SLC22A15: variants seen among roughly 807,000 people sequenced by gnomAD.
The protein encoded by SLC22A15 is solute carrier family 22 member 15, also known as flipt 1.
SLC22A15 carries 45 observed loss-of-function variants against 62.7 expected under a neutral mutation model. The ratio of observed to expected loss-of-function variants is 0.72; its 90% confidence interval spans 0.56 to 0.92. The LOEUF (loss-of-function observed/expected upper bound fraction) is 0.92. Among genes scored for constraint, SLC22A15 ranks in the 40% least tolerant of loss-of-function variants. The pLI, the probability that SLC22A15 is intolerant of heterozygous loss-of-function variation, is 0.00. For synonymous variants in SLC22A15, 264 were observed against 267.0 expected, an observed-to-expected ratio of 0.99 and a Z score of 0.11; for missense variants, 622 against 665.6, an observed-to-expected ratio of 0.93 and a Z score of 0.72.
rs912605296 is a variant in SLC22A15 at position 116,019,673 on chromosome 1, A to G, written c.392A>G (p.Gln131Arg). 1 of 1,613,628 alleles carries G rather than the reference A, an allele frequency of 6.2e-7. No individual in the cohort carries two copies. Among genetic ancestry groups the G allele is most frequent in the African/African-American group, 1.3e-5 (1 of 74,914 alleles). ...TTTGTTGGAGTTATCTCTTTTGGTC[A>G]GCTTTCAGATCGCTTCGGAAGGAAA... ...GVFVGVISFGQLSDRFGRKKV... is the reference protein window; with the variant it reads ...GVFVGVISFGRLSDRFGRKKV... The change falls in exon 3 of 12, where the codon CAG (glutamine) becomes CGG (arginine). Residue 131 changes from glutamine to arginine, a missense_variant. Gln to Arg is a conservative substitution (Grantham distance 43). Transcript: ENST00000369503.
chr1:116,046,262 A>C (rs570478694), intron 8 of SLC22A15, among the ~76,000 whole-genome samples: 1 of 152,332 alleles, frequency 6.6e-6, no homozygotes, highest in African/African-American at 2.4e-5. Flanking sequence ...TAGACTTCAT[A>C]AAGTTAAAAA....
At chr1:116,034,362 A>G (rs1657554588) in intron 6 of SLC22A15, among the ~76,000 whole-genome samples, 1 of 152,148 alleles carries the variant, frequency 6.6e-6, no homozygotes, top group Non-Finnish European at 1.5e-5. Flanking sequence ...GTGTTTGAGG[A>G]AGCCCTGATT....
intron 2 of SLC22A15, chr1:116,015,143 G>C (rs919407104): frequency 6.6e-6 from 1 of 152,208 alleles, no homozygotes; most frequent in Non-Finnish European, 1.5e-5. Flanking sequence ...GAAGGATGCA[G>C]AGGGCTGGTT....
chr1:116,034,434 G>A (rs2101462816), intron 6 of SLC22A15, among the ~76,000 whole-genome samples: 1 of 152,266 alleles, frequency 6.6e-6, no homozygotes, highest in East Asian at 1.9e-4. Flanking sequence ...TAGGAGAGAG[G>A]CTTGGTGCCT....
intron 2 of SLC22A15, among the ~76,000 whole-genome samples, chr1:116,018,652 A>G (rs1656668051): frequency 2.0e-5 from 3 of 152,154 alleles, no homozygotes; most frequent in African/African-American, 7.2e-5. Flanking sequence ...TTTTATTGAC[A>G]TAATTATATT....
intron 6 of SLC22A15, chr1:116,032,743 C>A: frequency 1.7e-6 from 1 of 601,226 alleles, no homozygotes; most frequent in Non-Finnish European, 2.1e-6. Flanking sequence ...AACCTGACAA[C>A]ACAACATAGG....
At chr1:115,981,195 G>A (rs1033772408) in intron 1 of SLC22A15, among the ~76,000 whole-genome samples, 4 of 152,286 alleles carry the variant, frequency 2.6e-5, no homozygotes, top group African/African-American at 4.8e-5. Flanking sequence ...CACACCATAA[G>A]CATTAGTGAA....
At chr1:116,019,165 A>G (rs951498862) in intron 2 of SLC22A15, among the ~76,000 whole-genome samples, 1 of 152,226 alleles carries the variant, frequency 6.6e-6, no homozygotes, top group South Asian at 2.1e-4. Context: ...TTTTAAACCC[A>G]TAAGCCAATT....
rs766950287 is a variant in SLC22A15, at chr1:116,064,497, A to G, written c.1354A>G (p.Ile452Val). ...SRVGGIIAPF[I>V]PSLKYVQWSL... is the part of the protein sequence containing the mutation. Reference sequence around the variant, plus strand: ...AGTTGGTGGGATTATTGCTCCCTTCATCCCCTCACTGGTTGGTTTGTACCT... The same window carrying G: ...AGTTGGTGGGATTATTGCTCCCTTCGTCCCCTCACTGGTTGGTTTGTACCT... The change falls in exon 10 of 12, where the codon ATC becomes GTC. Residue 452 changes from isoleucine (I) to valine (V), a missense_variant. Physicochemically the swap from Ile to Val is conservative, Grantham distance 29 (BLOSUM62 3). Transcript: ENST00000369503. 8 of 1,612,086 alleles carry G rather than the reference A, an allele frequency of 5.0e-6. 1 individual carries two copies. Among genetic ancestry groups the G allele is most frequent in the Non-Finnish European group, 6.8e-6 (8 of 1,178,250 alleles).
chr1:116,020,839 T>C lies in SLC22A15; in HGVS notation c.552T>C (p.Phe184=). The change falls in exon 4 of 12, where the codon TTT becomes TTC. Residue 184 remains phenylalanine, a synonymous_variant. Coordinates refer to ENST00000369503, the MANE Select transcript of SLC22A15 (RefSeq NM_018420.3). ...ATGGAGGGATGTCGCTGGTGGCCTT[T>C]GTCTTGCTTAATGAATGTGTGGGCA... is the stretch of plus-strand genomic sequence containing the variant. ...MMNGGMSLVA[F]VLLNECVGTA... The C allele has an allele frequency of 6.2e-7, 1 of 1,613,648 alleles. No individual in the cohort carries two copies. The highest frequency in any genetic ancestry group is 8.5e-7 in the Non-Finnish European group (1 of 1,179,666).
intron 2 of SLC22A15, among the ~76,000 whole-genome samples, chr1:116,016,030 G>C (rs1448484208): frequency 1.3e-5 from 2 of 151,778 alleles, no homozygotes; most frequent in African/African-American, 2.4e-5. Context: ...TTCTTCAAAT[G>C]CTGGAGCTCT....
Position 116,026,876 on chromosome 1 carries a change from T to C in SLC22A15, c.599-17T>C, listed in dbSNP as rs1657118860. The C allele has an allele frequency of 6.2e-7, 1 of 1,611,430 alleles. No individual in the cohort carries two copies. Among genetic ancestry groups the C allele is most frequent in the African/African-American group, 1.3e-5 (1 of 74,868 alleles). On this transcript the variant is annotated splice_polypyrimidine_tract_variant and intron_variant, in intron 4 of 11. Transcript: ENST00000369503. ...ATGGTGCTTTCTCCAGTGACAGTTC[T>C]CTTTTCCCTGAATTAGGATCGATTG... is the stretch of plus-strand genomic sequence containing the variant.
chr1:116,045,866 A>C lies in SLC22A15; in HGVS notation c.1171+8478A>C, dbSNP rs372239456. Among the ~76,000 whole-genome samples, 26 of 151,798 alleles carry C rather than the reference A, an allele frequency of 1.7e-4. No homozygotes were observed. In the South Asian group the frequency reaches 5.4e-3, roughly 32 times the overall value. The stretch of plus-strand genomic sequence containing the variant: ...TGAAATAGAACCACATATATGGTCA[A>C]TTGATTTTTTTTTTGACAGAGCTGA... On this transcript the variant is annotated intron_variant, in intron 8 of 11. Coordinates refer to ENST00000369503, the MANE Select transcript of SLC22A15 (RefSeq NM_018420.3).
intron 1 of SLC22A15, among the ~76,000 whole-genome samples, chr1:115,991,380 T>C (rs923035578): frequency 6.6e-6 from 1 of 152,218 alleles, no homozygotes; most frequent in Non-Finnish European, 1.5e-5. Context: ...TATGGTTAGA[T>C]CAAACCAAGA....
At chr1:116,015,767 A>G (rs972034571) in intron 2 of SLC22A15, among the ~76,000 whole-genome samples, 1 of 152,156 alleles carries the variant, frequency 6.6e-6, no homozygotes, top group Non-Finnish European at 1.5e-5. Context: ...CATAAATTTT[A>G]AAAAAAGCAA....
intron 6 of SLC22A15, chr1:116,032,006 C>T (rs1281267181): frequency 1.1e-5 from 11 of 1,046,874 alleles, no homozygotes; most frequent in African/African-American, 3.4e-5. Context: ...ATTCTGATTG[C>T]GGTGCTCCAT....
intron 10 of SLC22A15, among the ~76,000 whole-genome samples, chr1:116,064,971 A>G (rs1658462367): frequency 6.6e-6 from 1 of 152,206 alleles, no homozygotes; most frequent in South Asian, 2.1e-4. Context: ...CTGGAAAATA[A>G]CATTAGAGGA....
At position 116,032,467 on chromosome 1, in the gene SLC22A15, A is replaced by G. The variant is rs1657454744; in HGVS notation, c.944+886A>G. On this transcript the variant is annotated intron_variant, in intron 6 of 11. Transcript: ENST00000369503. ...ATGGAGCCCTACATTTCATGCAGGG[A>G]TAAAGGAAAGTGATTTTATATGAAA... 4 of 985,420 alleles carry G rather than the reference A, an allele frequency of 4.1e-6. No individual in the cohort carries two copies. In the South Asian group the frequency reaches 1.4e-4, roughly 35 times the overall value. The allele number at this position is 985,420 out of a possible 1,614,324, so 61.0% of individuals were successfully genotyped here.
rs752224418 is a variant in SLC22A15 at position 116,033,557 on chromosome 1, C to CTG, written c.945-1600_945-1599dup. Among the ~76,000 whole-genome samples, 904 of 149,540 alleles carry CTG rather than the reference C, an allele frequency of 6.0e-3. 10 individuals carry two copies. Among genetic ancestry groups the CTG allele is most frequent in the African/African-American group, 0.021 (828 of 40,234 alleles). ...CAGCTTGATTTAAATAGGGGTGTCT[C>CTG]TGTGTGTGTGTGTGTGTGTGTGTGT... On this transcript the variant is annotated intron_variant, in intron 6 of 11. Coordinates refer to ENST00000369503, the MANE Select transcript of SLC22A15 (RefSeq NM_018420.3).
Sources: gnomAD v4.1 joint callset for allele counts (sites outside exome capture counted in the v4.1 genomes callset) on GRCh38, gnomAD v4.1.1 for gene constraint, MANE v1.5 for transcripts, NCBI Gene and HGNC (gene_info 2026-07-23, HGNC 2026-07-21) for gene names.